Variants in PIR observed in about 807,000 individuals in gnomAD.
The protein encoded by PIR is pirin (iron-binding nuclear protein).
Under a neutral mutation model 24.2 loss-of-function variants are expected in PIR, and 22 were observed. The ratio of observed to expected loss-of-function variants is 0.91; its 90% CI spans 0.65 to 1.30. The LOEUF (loss-of-function observed/expected upper bound fraction) is 1.30. Ranked by LOEUF, PIR falls within the 50% of genes most tolerant of loss-of-function variation. The pLI is 0.00. For missense variants in PIR, 220 were observed against 220.3 expected (o/e 1.00, Z 0.01); for synonymous variants, 80 against 79.6 (o/e 1.00, Z -0.03).
At chrX:15,387,828 C>T (rs1480190647) in intron 9 of PIR, among the ~76,000 whole-genome samples, 1 of 111,626 alleles carries the variant, frequency 9.0e-6, no homozygotes, top group East Asian at 2.8e-4. Context: ...CAATTTATAA[C>T]GTGCACATGA....
At chrX:15,408,377 T>C (rs1409575737) in intron 6 of PIR, among the ~76,000 whole-genome samples, 1 of 111,386 alleles carries the variant, frequency 9.0e-6, no homozygotes, top group Non-Finnish European at 1.9e-5. Flanking sequence ...GATGCAGGAA[T>C]ACATAATCTT....
At chrX:15,438,782 A>G (rs1925826637) in intron 5 of PIR, among the ~76,000 whole-genome samples, 1 of 111,047 alleles carries the variant, frequency 9.0e-6, no homozygotes, top group Non-Finnish European at 1.9e-5. Flanking sequence ...GAAGCTCCAG[A>G]GTCTGGGCTT....
intron 3 of PIR, among the ~76,000 whole-genome samples, chrX:15,477,113 A>G (rs1218306530): frequency 9.0e-6 from 1 of 111,542 alleles, no homozygotes; most frequent in African/African-American, 3.3e-5. Flanking sequence ...TCTTTATCCT[A>G]GTCAGCATTT....
At chrX:15,462,249 C>T (rs1344274484) in intron 3 of PIR, among the ~76,000 whole-genome samples, 2 of 112,148 alleles carry the variant, frequency 1.8e-5, no homozygotes, top group African/African-American at 6.5e-5. Flanking sequence ...TTTAAAATTA[C>T]CTCAGGAACA....
intron 5 of PIR, among the ~76,000 whole-genome samples, chrX:15,444,908 CAG>C: frequency 8.9e-6 from 1 of 111,823 alleles, no homozygotes; most frequent in East Asian, 2.8e-4. Context: ...CCTAATGAAA[CAG>C]AGGCAGGGAG....
intron 2 of PIR, among the ~76,000 whole-genome samples, chrX:15,485,383 C>T (rs1228137499): frequency 1.8e-5 from 2 of 111,365 alleles, no homozygotes; most frequent in Non-Finnish European, 3.8e-5. Context: ...GGCATTAATC[C>T]CATTCCTGAG....
chrX:15,433,617 A>G (rs760409443), intron 5 of PIR, among the ~76,000 whole-genome samples: 11 of 101,590 alleles, frequency 1.1e-4, no homozygotes, highest in African/African-American at 2.9e-4. Flanking sequence ...GGAAGGAGAA[A>G]GAAGGAGGAG....
At chrX:15,409,023 G>A (rs1924637902) in intron 6 of PIR, among the ~76,000 whole-genome samples, 1 of 110,267 alleles carries the variant, frequency 9.1e-6, no homozygotes, top group Admixed American at 9.6e-5. Context: ...TTTCCTCTCT[G>A]AGATTTTACT....
chrX:15,453,060 C>T (rs1920983409), intron 5 of PIR, among the ~76,000 whole-genome samples: 1 of 111,501 alleles, frequency 9.0e-6, no homozygotes, highest in African/African-American at 3.3e-5. Flanking sequence ...TTTTAAGACC[C>T]AGTCATTCCT....
At chrX:15,447,215 C>A (rs969685388) in intron 5 of PIR, among the ~76,000 whole-genome samples, 1 of 112,426 alleles carries the variant, frequency 8.9e-6, no homozygotes, top group Non-Finnish European at 1.9e-5. Context: ...AGGATTTCTG[C>A]TTTGGTCAAA....
chrX:15,436,533 CA>C (rs1347647133), intron 5 of PIR, among the ~76,000 whole-genome samples: 2 of 111,788 alleles, frequency 1.8e-5, no homozygotes, highest in African/African-American at 6.5e-5. Context: ...AATCCATCTA[CA>C]ACCCTATAAA....
chrX:15,422,503 A>G (rs1358101985), intron 6 of PIR, among the ~76,000 whole-genome samples: 2 of 111,337 alleles, frequency 1.8e-5, no homozygotes, highest in African/African-American at 6.5e-5. Context: ...CAACATACAA[A>G]AATTAGTAGC....
chrX:15,385,236 A>C, intron 9 of PIR, 120 bp from the exon 10 acceptor site: 1 of 401,963 alleles, frequency 2.5e-6, no homozygotes, highest in African/African-American at 2.5e-5. Flanking sequence ...TCCGAAGAGT[A>C]AAAGTTTATT....
In PIR at chrX:15,468,667, AC is replaced by A. The variant is rs763908431; in HGVS notation, c.190-8928del. Among the ~76,000 whole-genome samples, 13 of 112,642 alleles carry A rather than the reference AC, an allele frequency of 1.2e-4. No individual in the cohort carries two copies. The East Asian group carries it at 2.8e-3, about 24-fold the overall frequency. ...AACTTTGAGTGAGTGTGATCATTGA[AC>A]TTGATGTTATTGGGCCCCAGGCCCC... On this transcript the variant is annotated intron_variant, in intron 3 of 9. Coordinates refer to ENST00000380420, the MANE Select transcript of PIR (RefSeq NM_001018109.3).
chrX:15,434,407 C>T (rs1278217570), intron 5 of PIR, among the ~76,000 whole-genome samples: 9 of 83,841 alleles, frequency 1.1e-4, no homozygotes, highest in Admixed American at 2.8e-4. Context: ...GGAGTAGGAA[C>T]GAAAAAGGAG....
chrX:15,465,184 T>C (rs1921498635), intron 3 of PIR, among the ~76,000 whole-genome samples: 1 of 111,508 alleles, frequency 9.0e-6, no homozygotes, highest in South Asian at 3.7e-4. Flanking sequence ...TATCATAAAA[T>C]CTGAATTAGA....
At chrX:15,406,767 C>T (rs754715421) in intron 7 of PIR, among the ~76,000 whole-genome samples, 1 of 111,776 alleles carries the variant, frequency 8.9e-6, no homozygotes, top group African/African-American at 3.2e-5. Flanking sequence ...GGCTGCTCTG[C>T]AAGCCCCTCT....
At chrX:15,472,840 C>T (rs776867219) in intron 3 of PIR, among the ~76,000 whole-genome samples, 2 of 112,439 alleles carry the variant, frequency 1.8e-5, no homozygotes, top group African/African-American at 6.5e-5. Context: ...TCTCTTTAAA[C>T]ACCATCTTCT....
chrX:15,446,185 A>G (rs1165727798), intron 5 of PIR, among the ~76,000 whole-genome samples: 1 of 112,342 alleles, frequency 8.9e-6, no homozygotes, highest in East Asian at 2.8e-4. Context: ...TAAAAAAACT[A>G]AGAGAGAGAA....
Sources: gnomAD v4.1 joint callset for allele counts (sites outside exome capture counted in the v4.1 genomes callset) on GRCh38, gnomAD v4.1.1 for gene constraint, MANE v1.5 for transcripts, NCBI Gene and HGNC (gene_info 2026-07-23, HGNC 2026-07-21) for gene names.